RTL10: variants seen among roughly 807,000 people sequenced by gnomAD.
RTL10 encodes the protein protein Bop.
For missense variants in RTL10, 477 were observed against 470.7 expected (o/e 1.01, Z -0.12); for synonymous variants, 199 against 188.4 (o/e 1.06, Z -0.46).
rs1938122078 is a variant in RTL10, at chr22:19,852,171, C to T, written c.91G>A (p.Asp31Asn). The T allele has an allele frequency of 1.2e-6, 2 of 1,614,022 alleles. No individual in the cohort carries two copies. The highest frequency in any genetic ancestry group is 2.2e-5 in the South Asian group (2 of 91,088). The change falls in exon 3 of 3, where the codon GAC becomes AAC. Residue 31 changes from aspartate (D) to asparagine (N), a missense_variant. Transcript: ENST00000328554. ...YANAHPWQQM[D>N]KASPGVAYTP... ...TATGCCACCCCAGGAGACGCCTTGT[C>T]CATCTGCTGCCATGGATGTGCGTTG...
Position 19,854,852 on chromosome 22 carries a change from G to C in RTL10, c.-515C>G, listed in dbSNP as rs1008352115. 1.3e-5 allele frequency: 2 copies of C among 152,270 alleles called. No individual in the cohort carries two copies. The highest frequency in any genetic ancestry group is 1.3e-4 in the Admixed American group (2 of 15,284). The allele number at this position is 152,270 out of a possible 1,614,324, so 9.4% of individuals were successfully genotyped here. A position where few individuals can be genotyped will look rare whatever the true frequency, so the allele number is the denominator to read the frequency against. On this transcript the variant is annotated 5_prime_UTR_variant, in exon 1 of 3. Transcript: ENST00000328554. The stretch of plus-strand genomic sequence containing the variant: ...CCGGAGTCGGGAACGCCTGCTCCTA[G>C]GAGCGCCGCGCAGCGTCCAGAGACC...
In RTL10 at chr22:19,849,402, CTTG is replaced by C. The variant is rs1938042887; in HGVS notation, c.*1762_*1764del. The C allele has an allele frequency of 1.5e-6, 1 of 669,002 alleles. No homozygotes were observed. The highest frequency in any genetic ancestry group is 6.7e-5 in the South Asian group (1 of 14,872). 41.4% of individuals were successfully genotyped at this position (669,002 alleles called of 1,614,324 possible). ...TTTTTTTTTGGGATGGAGTTTCACT[CTTG>C]TTGTCCAGGCTGGAGTGCAATGGCG... On this transcript the variant is annotated 3_prime_UTR_variant, in exon 3 of 3. Coordinates refer to ENST00000328554, the MANE Select transcript of RTL10 (RefSeq NM_024627.6).
In RTL10 at chr22:19,847,935, A is replaced by G; in HGVS notation, c.*3232T>C. On this transcript the variant is annotated 3_prime_UTR_variant, in exon 3 of 3. Coordinates refer to ENST00000328554, the MANE Select transcript of RTL10 (RefSeq NM_024627.6). ...CACATACATGGCTTTACTATTTTCC[A>G]GAGGGCCAACTGCTTTTACTGAATA... 2.0e-6 allele frequency: 2 copies of G among 985,154 alleles called. No individual in the cohort carries two copies. The highest frequency in any genetic ancestry group is 9.4e-5 in the South Asian group (2 of 21,274). 61.0% of individuals were successfully genotyped at this position (985,154 alleles called of 1,614,324 possible).
Position 19,854,772 on chromosome 22 carries a change from G to C in RTL10, c.-435C>G, listed in dbSNP as rs1047244724. 8 of 152,314 alleles carry C rather than the reference G, an allele frequency of 5.3e-5. No individual in the cohort carries two copies. Among genetic ancestry groups the C allele is most frequent in the African/African-American group, 1.9e-4 (8 of 41,456 alleles). The allele number at this position is 152,314 out of a possible 1,614,324, so 9.4% of individuals were successfully genotyped here. ...CGCAGGGGCGCAGCTCCAGGCCCGC[G>C]TGCACGGAGTTCAAGCCGGCCGCCC... is the stretch of plus-strand genomic sequence containing the variant. On this transcript the variant is annotated 5_prime_UTR_variant, in exon 1 of 3. Transcript: ENST00000328554.
chr22:19,852,211 T>G lies in RTL10; in HGVS notation c.51A>C (p.Ala17=), dbSNP rs1322812538. The G allele has an allele frequency of 1.9e-6, 3 of 1,613,412 alleles. No individual in the cohort carries two copies. Among genetic ancestry groups the G allele is most frequent in the Non-Finnish European group, 8.5e-7 (1 of 1,179,882 alleles). The change falls in exon 3 of 3, where the codon GCA becomes GCC. Residue 17 remains alanine (A), a synonymous_variant. Coordinates refer to ENST00000328554, the MANE Select transcript of RTL10 (RefSeq NM_024627.6). ...RQQGPRIPIW[A]AANYANAHPW... is the part of the protein sequence containing the mutation. ...GATGTGCGTTGGCATAATTGGCGGC[T>G]GCCCAGATGGGAATGCGAGGGCCCT...
In RTL10 at chr22:19,846,721, T is replaced by G. The variant is rs1316327208; in HGVS notation, c.*4446A>C. ...CTGATCCAATAGACTAGTGAGCTTA[T>G]GAGAGATTAGGACACAGACACAGAC... On this transcript the variant is annotated 3_prime_UTR_variant, in exon 3 of 3. Coordinates refer to ENST00000328554, the MANE Select transcript of RTL10 (RefSeq NM_024627.6). 3.6e-5 allele frequency: 13 copies of G among 357,498 alleles called. No individual in the cohort carries two copies. Among genetic ancestry groups the G allele is most frequent in the Non-Finnish European group, 4.3e-5 (11 of 256,092 alleles). The allele number at this position is 357,498 out of a possible 1,614,324, so 22.1% of individuals were successfully genotyped here.
In RTL10 at chr22:19,849,915, C is replaced by G; in HGVS notation, c.*1252G>C. ...AAACTTGGCTCCAGGAGCTTCCAAGCTCAGCTTCCACTAGAAAACCCCTCC... is the reference window on the plus strand; with the variant it reads ...AAACTTGGCTCCAGGAGCTTCCAAGGTCAGCTTCCACTAGAAAACCCCTCC... On this transcript the variant is annotated 3_prime_UTR_variant, in exon 3 of 3. Transcript: ENST00000328554. 1 of 985,534 alleles carries G rather than the reference C, an allele frequency of 1.0e-6. No homozygotes were observed. Among genetic ancestry groups the G allele is most frequent in the Non-Finnish European group, 1.2e-6 (1 of 830,018 alleles). The allele number at this position is 985,534 out of a possible 1,614,324, so 61.0% of individuals were successfully genotyped here.
At position 19,849,747 on chromosome 22, in the gene RTL10, G is replaced by GT. The variant is rs1938050959; in HGVS notation, c.*1419_*1420insA. The GT allele has an allele frequency of 1.0e-6, 1 of 985,208 alleles. No individual in the cohort carries two copies. The highest frequency in any genetic ancestry group is 1.7e-5 in the African/African-American group (1 of 57,216). The allele number at this position is 985,208 out of a possible 1,614,324, so 61.0% of individuals were successfully genotyped here. ...GGCTGTATTTCCAATTCACATTTCT[G>GT]CTTTTTCTTCCTACTTTCCAGGAAG... is the stretch of plus-strand genomic sequence containing the variant. On this transcript the variant is annotated 3_prime_UTR_variant, in exon 3 of 3. Transcript: ENST00000328554.
At position 19,851,841 on chromosome 22, in the gene RTL10, C is replaced by A. The variant is rs776184901; in HGVS notation, c.421G>T (p.Glu141Ter). The part of the protein sequence containing the change: ...HYQDNISRVC[E>*]ILRRLTGRAQ... ...CGGCCTGTTAGGCGCCTGAGGATCTCGCAGACACGGCTGATGTTGTCCTGA... is the reference window on the plus strand; with the variant it reads ...CGGCCTGTTAGGCGCCTGAGGATCTAGCAGACACGGCTGATGTTGTCCTGA... Residue 141 changes from glutamate (E) to a stop codon, truncating the protein, a stop_gained, in exon 3 of 3, where the codon GAG becomes TAG. Coordinates refer to ENST00000328554, the MANE Select transcript of RTL10 (RefSeq NM_024627.6). LOFTEE classifies it low-confidence loss of function (END_TRUNC). The A allele has an allele frequency of 6.2e-7, 1 of 1,613,982 alleles. No homozygotes were observed. The highest frequency in any genetic ancestry group is 1.7e-5 in the Admixed American group (1 of 60,036).
Position 19,852,159 on chromosome 22 carries a change from G to A in RTL10, c.103C>T (p.Pro35Ser), listed in dbSNP as rs866701995. 6.2e-7 allele frequency: 1 copy of A among 1,614,112 alleles called. No individual in the cohort carries two copies. Among genetic ancestry groups the A allele is most frequent in the Non-Finnish European group, 8.5e-7 (1 of 1,180,034 alleles). Residue 35 changes from proline (P) to serine (S), a missense_variant, in exon 3 of 3, where the codon CCT (proline) becomes TCT (serine). Pro to Ser is a moderately conservative substitution (Grantham distance 74, BLOSUM62 -1). Transcript: ENST00000328554. ...ACAAGGGGGGTGTATGCCACCCCAG[G>A]AGACGCCTTGTCCATCTGCTGCCAT... The part of the protein sequence containing the change: ...HPWQQMDKAS[P>S]GVAYTPLVDP...
At position 19,847,974 on chromosome 22, in the gene RTL10, G is replaced by A. The variant is rs897194079; in HGVS notation, c.*3193C>T. The A allele has an allele frequency of 2.3e-5, 23 of 984,982 alleles. No individual in the cohort carries two copies. The highest frequency in any genetic ancestry group is 1.0e-3 in the Middle Eastern group (2 of 1,936). The allele number at this position is 984,982 out of a possible 1,614,324, so 61.0% of individuals were successfully genotyped here. A position where few individuals can be genotyped will look rare whatever the true frequency, so the allele number is the denominator to read the frequency against. ...TTTTACTGAATAATCCATTTTACTC[G>A]TTAATTGGAAACACCTCTAGCCTGT... On this transcript the variant is annotated 3_prime_UTR_variant, in exon 3 of 3. Coordinates refer to ENST00000328554, the MANE Select transcript of RTL10 (RefSeq NM_024627.6).
chr22:19,847,701 A>C lies in RTL10; in HGVS notation c.*3466T>G, dbSNP rs763812481. 34 of 984,164 alleles carry C rather than the reference A, an allele frequency of 3.5e-5. No homozygotes were observed. Among genetic ancestry groups the C allele is most frequent in the Non-Finnish European group, 3.9e-5 (32 of 829,792 alleles). 61.0% of individuals were successfully genotyped at this position (984,164 alleles called of 1,614,324 possible). ...TGTGCCTAGAATTGTTACGTGGTCA[A>C]ATTATATTATTGTGTATTCCCACCA... On this transcript the variant is annotated 3_prime_UTR_variant, in exon 3 of 3. Transcript: ENST00000328554.
At position 19,846,624 on chromosome 22, in the gene RTL10, C is replaced by G. The variant is rs1170539263; in HGVS notation, c.*4543G>C. On this transcript the variant is annotated 3_prime_UTR_variant, in exon 3 of 3. Coordinates refer to ENST00000328554, the MANE Select transcript of RTL10 (RefSeq NM_024627.6). ...TATTTTTATGTTCAAGTCCTAACCC[C>G]TAGTACTTACATTTGAAGACAGGGT... is the stretch of plus-strand genomic sequence containing the variant. 2.2e-5 allele frequency: 19 copies of G among 881,208 alleles called. No individual in the cohort carries two copies. The highest frequency in any genetic ancestry group is 2.6e-5 in the Non-Finnish European group (19 of 734,766). The allele number at this position is 881,208 out of a possible 1,614,324, so 54.6% of individuals were successfully genotyped here.
At chr22:19,853,811 C>G (rs1938170031) in intron 2 of RTL10, among the ~76,000 whole-genome samples, 2 of 152,172 alleles carry the variant, frequency 1.3e-5, no homozygotes, top group African/African-American at 4.8e-5. Flanking sequence ...GAGTCGAGTC[C>G]AGTCCAGTCC....
chr22:19,852,356 G>A lies in RTL10; in HGVS notation c.-95C>T. The A allele has an allele frequency of 7.3e-7, 1 of 1,362,110 alleles. No homozygotes were observed. Among genetic ancestry groups the A allele is most frequent in the Non-Finnish European group, 1.0e-6 (1 of 988,408 alleles). The allele number at this position is 1,362,110 out of a possible 1,614,324, so 84.4% of individuals were successfully genotyped here. ...TTGCACGACACAACAGGACAGGGAT[G>A]GCTGAACAGGGCGTGGCAGACCCGC... is the stretch of plus-strand genomic sequence containing the variant. On this transcript the variant is annotated 5_prime_UTR_variant, in exon 3 of 3. Coordinates refer to ENST00000328554, the MANE Select transcript of RTL10 (RefSeq NM_024627.6).
Position 19,849,026 on chromosome 22 carries a change from AG to A in RTL10, c.*2140del. On this transcript the variant is annotated 3_prime_UTR_variant, in exon 3 of 3. Transcript: ENST00000328554. ...GGAGCAGTCTGACCCAACCCACAAA[AG>A]GGGGGATGGGGCCTGAGTCATCGGA... 1 of 985,336 alleles carries A rather than the reference AG, an allele frequency of 1.0e-6. No individual in the cohort carries two copies. The highest frequency in any genetic ancestry group is 1.2e-6 in the Non-Finnish European group (1 of 829,914). The allele number at this position is 985,336 out of a possible 1,614,324, so 61.0% of individuals were successfully genotyped here.
rs1938073677 is a variant in RTL10, at chr22:19,850,703, G to A, written c.*464C>T. On this transcript the variant is annotated 3_prime_UTR_variant, in exon 3 of 3. Transcript: ENST00000328554. ...GACAGAAGTCACAGGGAGCAGAGAG[G>A]GTGGGGCTAGGGGGACAGACACAGA... 1.6e-6 allele frequency: 2 copies of A among 1,234,288 alleles called. No homozygotes were observed. Among genetic ancestry groups the A allele is most frequent in the Non-Finnish European group, 1.0e-6 (1 of 990,376 alleles). The allele number at this position is 1,234,288 out of a possible 1,614,324, so 76.5% of individuals were successfully genotyped here. A position where few individuals can be genotyped will look rare whatever the true frequency, so the allele number is the denominator to read the frequency against.
intron 2 of RTL10, among the ~76,000 whole-genome samples, chr22:19,853,009 G>A (rs1041121724): frequency 6.6e-6 from 1 of 152,156 alleles, no homozygotes; most frequent in African/African-American, 2.4e-5. Flanking sequence ...AGACCGCGTC[G>A]TCATTAGGCT....
chr22:19,851,421 T>A lies in RTL10; in HGVS notation c.841A>T (p.Lys281Ter). The A allele has an allele frequency of 6.2e-7, 1 of 1,613,914 alleles. No individual in the cohort carries two copies. The highest frequency in any genetic ancestry group is 8.5e-7 in the Non-Finnish European group (1 of 1,179,966). ...GAGGCTGGTTCCACAGGACCAGGCTTGGAGCTACATGTAGAACTGGGCAGG... is the reference window on the plus strand; with the variant it reads ...GAGGCTGGTTCCACAGGACCAGGCTAGGAGCTACATGTAGAACTGGGCAGG... The part of the protein sequence containing the change: ...PVLPSSTCSS[K>*]PGPVEPASSQ... Residue 281 changes from lysine to a stop codon, truncating the protein, a stop_gained, in exon 3 of 3, where the codon AAG (lysine) becomes TAG (stop). Coordinates refer to ENST00000328554, the MANE Select transcript of RTL10 (RefSeq NM_024627.6). LOFTEE classifies it low-confidence loss of function (END_TRUNC).
Sources: gnomAD v4.1 joint callset for allele counts (sites outside exome capture counted in the v4.1 genomes callset) on GRCh38, gnomAD v4.1.1 for gene constraint, MANE v1.5 for transcripts, NCBI Gene and HGNC (gene_info 2026-07-23, HGNC 2026-07-21) for gene names.